The following ADAM23 variants were observed in gnomAD, a reference collection of about 807,000 sequenced individuals.
ADAM23 encodes the protein disintegrin and metalloproteinase domain-containing protein 23.
Under a neutral mutation model 120.1 loss-of-function variants are expected in ADAM23, and 33 were observed. That is an observed-to-expected ratio of 0.27 (90% confidence interval 0.21 to 0.37). The LOEUF is 0.37. Among genes scored for constraint, ADAM23 ranks in the 10% least tolerant of loss-of-function variants. ADAM23 has a pLI of 1.00. For synonymous variants in ADAM23, 367 were observed against 375.2 expected (o/e 0.98, Z 0.25); for missense variants, 862 against 1,058.2 (o/e 0.81, Z 2.57).
At chr2:206,521,359 TCTGTGGTTC>T (rs1262910824) in intron 3 of ADAM23, among the ~76,000 whole-genome samples, 2 of 152,126 alleles carry the variant, frequency 1.3e-5, no homozygotes, top group African/African-American at 2.4e-5. Context: ...ATTGTGAATG[TCTGTGGTTC>T]CTGGTGTTTC....
chr2:206,464,581 A>AAAAAT (rs1553546804), intron 2 of ADAM23, among the ~76,000 whole-genome samples: 19 of 152,026 alleles, frequency 1.2e-4, no homozygotes, highest in Middle Eastern at 3.4e-3. Flanking sequence ...TCAAAAAAAA[A>AAAAAT]AATAATAATA....
At chr2:206,612,682 T>C (rs550773850) in intron 25 of ADAM23, among the ~76,000 whole-genome samples, 1 of 152,324 alleles carries the variant, frequency 6.6e-6, no homozygotes, top group South Asian at 2.1e-4. Flanking sequence ...CAAGTATAAA[T>C]GAGAAATACA....
chr2:206,509,401 T>C (rs575715647), intron 3 of ADAM23, among the ~76,000 whole-genome samples: 12 of 152,274 alleles, frequency 7.9e-5, no homozygotes, highest in Admixed American at 5.2e-4. Context: ...AAAATTTGAA[T>C]ACAATATTAA....
chr2:206,584,574 G>A (rs575567171), intron 18 of ADAM23, among the ~76,000 whole-genome samples: 41 of 152,194 alleles, frequency 2.7e-4, no homozygotes, highest in African/African-American at 9.6e-4. Flanking sequence ...AGACCTGGGA[G>A]TCTCACCCCC....
chr2:206,577,854 G>T (rs1383892114), intron 18 of ADAM23, among the ~76,000 whole-genome samples: 1 of 151,464 alleles, frequency 6.6e-6, no homozygotes, highest in Non-Finnish European at 1.5e-5. Context: ...TTCCACAATG[G>T]TTGAACTAGT....
chr2:206,483,186 T>C (rs1028860733), intron 3 of ADAM23, among the ~76,000 whole-genome samples: 54 of 152,226 alleles, frequency 3.5e-4, no homozygotes, highest in African/African-American at 1.1e-3. Context: ...ATTATTAGGA[T>C]TGCTCCATGT....
chr2:206,548,564 G>T (rs971556155), intron 8 of ADAM23, among the ~76,000 whole-genome samples: 5 of 152,102 alleles, frequency 3.3e-5, no homozygotes, highest in Non-Finnish European at 7.4e-5. Flanking sequence ...AACTGATTAC[G>T]GTAGTCTCTG....
At chr2:206,518,005 C>T (rs976987751) in intron 3 of ADAM23, among the ~76,000 whole-genome samples, 2 of 152,148 alleles carry the variant, frequency 1.3e-5, no homozygotes, top group African/African-American at 4.8e-5. Context: ...TGCTTTTGAT[C>T]CAAACACTGC....
At chr2:206,542,197 T>C (rs1048527677) in intron 5 of ADAM23, 63 bp downstream of exon 5, 1 of 1,514,680 alleles carries the variant, frequency 6.6e-7, no homozygotes, top group Non-Finnish European at 9.2e-7. Context: ...TTTATGGATA[T>C]ATATATTTTA....
At chr2:206,525,737 GC>G (rs1295203764) in intron 3 of ADAM23, among the ~76,000 whole-genome samples, 1 of 151,832 alleles carries the variant, frequency 6.6e-6, no homozygotes, top group Non-Finnish European at 1.5e-5. Context: ...GATTACAGAC[GC>G]TCACCACCAC....
chr2:206,445,371 G>A lies in ADAM23; in HGVS notation c.279G>A (p.Leu93=). The change falls in exon 2 of 26, where the codon TTG becomes TTA. Residue 93 remains leucine, a synonymous_variant. Transcript: ENST00000264377. ...LGVLADEDNT[L]QQNSSSNISY... is the part of the protein sequence containing the mutation. ...TCCTGGCAGATGAAGACAATACATT[G>A]CAACAGAATAGCAGCAGTAATATCA... 1 of 1,613,946 alleles carries A rather than the reference G, an allele frequency of 6.2e-7. No homozygotes were observed. Among genetic ancestry groups the A allele is most frequent in the Non-Finnish European group, 8.5e-7 (1 of 1,179,944 alleles).
rs549071760 is a variant in ADAM23 at position 206,559,739 on chromosome 2, C to A, written c.1006-216C>A. On this transcript the variant is annotated intron_variant, in intron 10 of 25. Transcript: ENST00000264377. ...ATGTATTGCTCTGGGATCGAAATAACCCTATAGGAGAGTTGAAACCAAATT... is the reference window on the plus strand; with the variant it reads ...ATGTATTGCTCTGGGATCGAAATAAACCTATAGGAGAGTTGAAACCAAATT... Among the ~76,000 whole-genome samples, 4 of 152,290 alleles carry A rather than the reference C, an allele frequency of 2.6e-5. No homozygotes were observed. The East Asian group carries it at 7.7e-4, about 29-fold the overall frequency.
intron 3 of ADAM23, among the ~76,000 whole-genome samples, chr2:206,521,128 G>A (rs1366627027): frequency 1.3e-5 from 2 of 152,126 alleles, no homozygotes; most frequent in Admixed American, 6.6e-5. Context: ...CTTGAGGGCT[G>A]CTTGATGCTT....
intron 3 of ADAM23, among the ~76,000 whole-genome samples, chr2:206,524,437 A>C (rs977238510): frequency 4.6e-5 from 7 of 152,194 alleles, no homozygotes; most frequent in Non-Finnish European, 1.0e-4. Flanking sequence ...GATGTTATGC[A>C]CTGAGAGAGC....
At chr2:206,446,740 C>T (rs561763233) in intron 2 of ADAM23, among the ~76,000 whole-genome samples, 1 of 152,132 alleles carries the variant, frequency 6.6e-6, no homozygotes, top group East Asian at 1.9e-4. Context: ...TTTGAAGTGG[C>T]TGCTACCCAC....
At chr2:206,530,452 C>A (rs1697029405) in intron 3 of ADAM23, among the ~76,000 whole-genome samples, 1 of 152,116 alleles carries the variant, frequency 6.6e-6, no homozygotes, top group Non-Finnish European at 1.5e-5. Flanking sequence ...GGATCTGTCT[C>A]CTCAAGTTAC....
At position 206,617,687 on chromosome 2, in the gene ADAM23, C is replaced by T. The variant is rs764456949; in HGVS notation, c.*60C>T. 14 of 1,604,904 alleles carry T rather than the reference C, an allele frequency of 8.7e-6. No individual in the cohort carries two copies. The highest frequency in any genetic ancestry group is 5.1e-5 in the Admixed American group (3 of 58,816). On this transcript the variant is annotated 3_prime_UTR_variant, in exon 26 of 26. Transcript: ENST00000264377. The stretch of plus-strand genomic sequence containing the variant: ...TTGGATTCTGGGTATGACATACTCG[C>T]AGCAGTGTTACTGGAACTATTAAGT...
chr2:206,444,173 TC>T, intron 1 of ADAM23, 93 bp downstream of exon 1: 1 of 1,048,110 alleles, frequency 9.5e-7, no homozygotes, highest in Non-Finnish European at 1.2e-6. Context: ...TCCGGGCTTG[TC>T]CCCGGCTCGG....
In ADAM23 at chr2:206,557,553, A is replaced by G. The variant is rs778363371; in HGVS notation, c.1005+55A>G. 21 of 1,445,744 alleles carry G rather than the reference A, an allele frequency of 1.5e-5. No individual in the cohort carries two copies. In the South Asian group the frequency reaches 1.7e-4, roughly 12 times the overall value. 89.6% of individuals were successfully genotyped at this position (1,445,744 alleles called of 1,614,324 possible). A position where few individuals can be genotyped will look rare whatever the true frequency, so the allele number is the denominator to read the frequency against. ...TGCCAAGATGGAATGGTTTATCTCT[A>G]TTTGCTTACTTGTACTTTAGGTATT... is the stretch of plus-strand genomic sequence containing the variant. On this transcript the variant is annotated intron_variant, in intron 10 of 25. Coordinates refer to ENST00000264377, the MANE Select transcript of ADAM23 (RefSeq NM_003812.4).
Sources: allele counts gnomAD v4.1 joint callset (sites outside exome capture counted in the v4.1 genomes callset), GRCh38; gene constraint gnomAD v4.1.1; transcripts MANE v1.5; gene names NCBI Gene and HGNC (gene_info 2026-07-23, HGNC 2026-07-21).